The following HKDC1 variants were observed in gnomAD, a reference collection of about 807,000 sequenced individuals.
HKDC1 encodes the protein hexokinase HKDC1.
HKDC1 carries 66 observed loss-of-function variants against 96.6 expected under a neutral mutation model. The observed-to-expected ratio is 0.68, with a 90% CI of 0.56 to 0.84. The LOEUF (loss-of-function observed/expected upper bound fraction) is 0.84, where lower values mean the gene tolerates loss of function less well. Ranked by LOEUF, HKDC1 falls within the 40% of genes least tolerant of loss-of-function variation. The probability of loss-of-function intolerance (pLI) is 0.00; values close to 1 mark genes in which losing one functional copy is unlikely to be tolerated. For synonymous variants in HKDC1, 466 were observed against 473.1 expected, an observed-to-expected ratio of 0.98 and a Z score of 0.20; for missense variants, 1,211 against 1,208.1, an observed-to-expected ratio of 1.00 and a Z score of -0.04.
At chr10:69,253,904 A>T (rs1589414701) in intron 12 of HKDC1, among the ~76,000 whole-genome samples, 1 of 152,340 alleles carries the variant, frequency 6.6e-6, no homozygotes, top group East Asian at 1.9e-4. Flanking sequence ...CGAGACTGGC[A>T]TAAAGCAGAA....
intron 12 of HKDC1, among the ~76,000 whole-genome samples, chr10:69,255,774 A>T (rs564426544): frequency 3.9e-5 from 6 of 152,058 alleles, no homozygotes; most frequent in African/African-American, 1.4e-4. Flanking sequence ...AAAATTAGCC[A>T]GGCGTGGTGG....
chr10:69,264,737 T>G (rs138592197), intron 16 of HKDC1, among the ~76,000 whole-genome samples: 35 of 152,364 alleles, frequency 2.3e-4, no homozygotes, highest in African/African-American at 7.5e-4. Flanking sequence ...CTGAATCCCC[T>G]GTATGGTCAT....
chr10:69,239,356 A>G (rs560764022), intron 5 of HKDC1, among the ~76,000 whole-genome samples: 6 of 152,210 alleles, frequency 3.9e-5, no homozygotes, highest in Non-Finnish European at 8.8e-5. Flanking sequence ...ACCAATCCCT[A>G]TTGAAAGGTG....
chr10:69,263,065 G>A (rs1019319216), intron 16 of HKDC1, among the ~76,000 whole-genome samples: 3 of 151,980 alleles, frequency 2.0e-5, no homozygotes, highest in Non-Finnish European at 4.4e-5. Context: ...TTCTGTTGTT[G>A]TTTTGTTTTT....
intron 16 of HKDC1, among the ~76,000 whole-genome samples, chr10:69,264,359 ATT>A (rs1414523245): frequency 6.6e-6 from 1 of 151,186 alleles, no homozygotes; most frequent in Non-Finnish European, 1.5e-5. Flanking sequence ...GGTGTGAAAT[ATT>A]CTCACGCAAA....
intron 6 of HKDC1, 40 bp from the exon 7 acceptor site, chr10:69,243,142 G>T: frequency 6.2e-7 from 1 of 1,602,446 alleles, no homozygotes. Flanking sequence ...GCCCAGCTGG[G>T]AGTCCTCTCT....
intron 1 of HKDC1, among the ~76,000 whole-genome samples, chr10:69,221,677 A>G (rs1168173266): frequency 1.3e-5 from 2 of 152,172 alleles, no homozygotes; most frequent in Non-Finnish European, 2.9e-5. Flanking sequence ...TAATCTGCAT[A>G]CACTGGGAGG....
intron 6 of HKDC1, among the ~76,000 whole-genome samples, chr10:69,241,476 G>A (rs1166643110): frequency 6.6e-6 from 1 of 152,108 alleles, no homozygotes; most frequent in East Asian, 1.9e-4. Context: ...ATAAATGGAT[G>A]CGCATTTTAT....
chr10:69,224,174 C>T (rs1843112854), intron 1 of HKDC1, among the ~76,000 whole-genome samples: 1 of 151,606 alleles, frequency 6.6e-6, no homozygotes, highest in Admixed American at 6.6e-5. Flanking sequence ...CACCATTGCA[C>T]TCCAGGCTGG....
rs1411020452 is a variant in HKDC1 at position 69,240,708 on chromosome 10, C to T, written c.648C>T (p.Thr216=). 1.2e-6 allele frequency: 2 copies of T among 1,613,992 alleles called. No individual in the cohort carries two copies. Among genetic ancestry groups the T allele is most frequent in the South Asian group, 2.2e-5 (2 of 91,082 alleles). The change falls in exon 6 of 18, where the codon ACC becomes ACT. Residue 216 remains threonine, a synonymous_variant. Transcript: ENST00000354624. The part of the protein sequence containing the change: ...LVNDTVGTMM[T]CAYDDPYCEV... ...ATGACACCGTGGGGACCATGATGAC[C>T]TGTGCCTATGACGACCCCTACTGCG...
At chr10:69,266,584 A>T (rs900237164) in intron 17 of HKDC1, 26 bp from the exon 18 acceptor site, 2 of 1,611,320 alleles carry the variant, frequency 1.2e-6, no homozygotes, top group South Asian at 2.2e-5. Context: ...GGAAGGGCTG[A>T]TGATGTTTCT....
At chr10:69,227,396 T>A in intron 2 of HKDC1, 27 bp downstream of exon 2, 1 of 1,613,296 alleles carries the variant, frequency 6.2e-7, no homozygotes, top group Non-Finnish European at 8.5e-7. Flanking sequence ...GCTGCCAGGG[T>A]CCCTGGCTCC....
intron 10 of HKDC1, among the ~76,000 whole-genome samples, chr10:69,249,844 C>A (rs1434579284): frequency 2.6e-5 from 4 of 152,184 alleles, no homozygotes; most frequent in African/African-American, 9.7e-5. Context: ...TGACTGGATG[C>A]CCTGTACCGT....
rs1036495556 is a variant in HKDC1, at chr10:69,263,304, G to A, written c.2372+2010G>A. ...TATAGAGATGGAGTTTCACCATGTC[G>A]CCCAGGTTGATCTTGAATTCCTGGG... On this transcript the variant is annotated intron_variant, in intron 16 of 17. Transcript: ENST00000354624. Among the ~76,000 whole-genome samples the A allele has an allele frequency of 2.0e-5, 3 of 152,050 alleles. No homozygotes were observed. The South Asian group carries it at 6.2e-4, about 31-fold the overall frequency.
intron 15 of HKDC1, among the ~76,000 whole-genome samples, chr10:69,259,839 G>A (rs923770863): frequency 6.6e-6 from 1 of 152,132 alleles, no homozygotes; most frequent in Non-Finnish European, 1.5e-5. Flanking sequence ...CAACAGGGGG[G>A]AAATCCACCC....
chr10:69,232,960 G>C (rs10998656), intron 3 of HKDC1, 48 bp downstream of exon 3: 21 of 1,612,108 alleles, frequency 1.3e-5, no homozygotes, highest in African/African-American at 4.0e-5. Flanking sequence ...GGTGGCATCC[G>C]TGTGTGGGGA....
rs772992778 is a variant in HKDC1 at position 69,265,793 on chromosome 10, G to A, written c.2581G>A (p.Gly861Ser). ...EHLRITVGVD[G>S]TLYKLHPHFS... ...CCTGAGGATCACTGTGGGTGTGGAC[G>A]GCACCCTGTACAAGCTGCACCCTCA... is the stretch of plus-strand genomic sequence containing the variant. The change falls in exon 17 of 18, where the codon GGC becomes AGC. Residue 861 changes from glycine (G) to serine (S), a missense_variant. Gly to Ser is a moderately conservative substitution (Grantham distance 56). Transcript: ENST00000354624. The A allele has an allele frequency of 1.7e-5, 27 of 1,612,540 alleles. No homozygotes were observed. In the Middle Eastern group the frequency reaches 4.9e-4, roughly 29 times the overall value.
Position 69,257,252 on chromosome 10 carries a change from C to T in HKDC1, c.1933-75C>T. On this transcript the variant is annotated intron_variant, in intron 13 of 17. Transcript: ENST00000354624. Reference sequence around the variant, plus strand: ...CTGTCTGCCTTGGGATAACATGCCCCTCCTAAACCTGTTTGGCTTGCACAT... The same window carrying T: ...CTGTCTGCCTTGGGATAACATGCCCTTCCTAAACCTGTTTGGCTTGCACAT... The T allele has an allele frequency of 8.1e-6, 12 of 1,472,416 alleles. No individual in the cohort carries two copies. The Admixed American group carries it at 1.3e-4, about 16-fold the overall frequency. 91.2% of individuals were successfully genotyped at this position (1,472,416 alleles called of 1,614,324 possible).
intron 2 of HKDC1, among the ~76,000 whole-genome samples, chr10:69,228,568 G>A (rs1352018366): frequency 2.6e-5 from 4 of 152,128 alleles, no homozygotes; most frequent in African/African-American, 7.2e-5. Context: ...CTGTAAGAGG[G>A]AAAAGGGCTG....
Sources: gnomAD v4.1 joint callset for allele counts (sites outside exome capture counted in the v4.1 genomes callset) on GRCh38, gnomAD v4.1.1 for gene constraint, MANE v1.5 for transcripts, NCBI Gene and HGNC (gene_info 2026-07-23, HGNC 2026-07-21) for gene names.